The following SAP130 variants were observed in gnomAD, a reference collection of about 807,000 sequenced individuals.
SAP130 encodes the protein Sin3A associated protein 130, also known as histone deacetylase complex subunit SAP130.
A neutral mutation model predicts 103.2 loss-of-function variants in SAP130; 16 were observed. The observed-to-expected ratio is 0.16, with a 90% CI of 0.10 to 0.24. The LOEUF (loss-of-function observed/expected upper bound fraction) is 0.24. Ranked by LOEUF, SAP130 falls within the 10% of genes least tolerant of loss-of-function variation. The pLI, the probability that SAP130 is intolerant of heterozygous loss-of-function variation, is 1.00. For synonymous variants in SAP130, 477 were observed against 497.0 expected (o/e 0.96, Z 0.53); for missense variants, 990 against 1,359.7 (o/e 0.73, Z 4.28).
chr2:127,942,051 C>A lies in SAP130; in HGVS notation c.3129G>T (p.Gly1043=). ...TCAATTTGGACACTTTTTTGACAGTCCCGTTCTTGTTAAGCAGCTTCAGGA... is the reference window on the plus strand; with the variant it reads ...TCAATTTGGACACTTTTTTGACAGTACCGTTCTTGTTAAGCAGCTTCAGGA... ...DRVLKLLNKN[G]TVKKVSKLKR... Residue 1043 remains glycine, a synonymous_variant, in exon 21 of 21, where the codon GGG becomes GGT. Transcript: ENST00000643581. The surrounding 1 kb of genome is among the most constrained non-coding windows in gnomAD (Gnocchi z 4.8). 6.2e-7 allele frequency: 1 copy of A among 1,609,082 alleles called. No individual in the cohort carries two copies.
At chr2:128,018,991 G>A (rs530820583) in intron 2 of SAP130, among the ~76,000 whole-genome samples, 1 of 151,842 alleles carries the variant, frequency 6.6e-6, no homozygotes, top group Non-Finnish European at 1.5e-5. Flanking sequence ...TCAGCTACTA[G>A]GGAAGATGAG....
intron 11 of SAP130, among the ~76,000 whole-genome samples, chr2:127,995,270 A>G (rs577157977): frequency 2.6e-5 from 4 of 152,362 alleles, no homozygotes; most frequent in African/African-American, 9.6e-5. Flanking sequence ...TTGGAGAAAC[A>G]GCAGATTTCA....
chr2:127,985,274 G>T (rs1573743044), intron 14 of SAP130, among the ~76,000 whole-genome samples: 1 of 152,214 alleles, frequency 6.6e-6, no homozygotes, highest in Non-Finnish European at 1.5e-5. Flanking sequence ...GTCATGGACT[G>T]ACTTATCCTT....
intron 2 of SAP130, among the ~76,000 whole-genome samples, chr2:128,018,992 G>A (rs550643408): frequency 4.7e-4 from 71 of 151,656 alleles, no homozygotes; most frequent in African/African-American, 1.6e-3. Flanking sequence ...CAGCTACTAG[G>A]GAAGATGAGG....
intron 11 of SAP130, among the ~76,000 whole-genome samples, 172 bp from the exon 12 acceptor site, chr2:127,993,480 T>TA (rs369115205): frequency 1.4e-3 from 202 of 140,152 alleles, no homozygotes; most frequent in Non-Finnish European, 1.4e-3. Flanking sequence ...AATGCAAAAT[T>TA]AAAAAAAAAA....
At chr2:127,958,118 T>TA (rs1465146076) in intron 15 of SAP130, among the ~76,000 whole-genome samples, 1 of 152,108 alleles carries the variant, frequency 6.6e-6, no homozygotes, top group African/African-American at 2.4e-5. Context: ...TCCCAGAACT[T>TA]AAAGTATAAA....
In SAP130 at chr2:127,951,787, G is replaced by GT. The variant is rs573855508; in HGVS notation, c.2423-1380dup. ...TGGCCTCACTTGGACAACCCTATCT[G>GT]TTAAGTCCAGTCTCTCTTGGGATGA... On this transcript the variant is annotated intron_variant, in intron 16 of 20. Coordinates refer to ENST00000643581, the MANE Select transcript of SAP130 (RefSeq NM_001330301.2). 1.4e-4 allele frequency among the ~76,000 whole-genome samples: 22 copies of GT among 152,264 alleles called. No individual in the cohort carries two copies. In the South Asian group the frequency reaches 4.1e-3, roughly 29 times the overall value.
intron 14 of SAP130, among the ~76,000 whole-genome samples, chr2:127,982,865 C>T (rs1233872722): frequency 6.6e-6 from 1 of 152,126 alleles, no homozygotes; most frequent in Non-Finnish European, 1.5e-5. Context: ...GATCAATGGA[C>T]TGGAGGCTGC....
At position 127,946,409 on chromosome 2, in the gene SAP130, C is replaced by A. The variant is rs1006096836; in HGVS notation, c.2798-850G>T. On this transcript the variant is annotated intron_variant, in intron 18 of 20. Transcript: ENST00000643581. ...ACAACTTTATCAAATCAAGGAAGAA[C>A]CCTTCTTTTTCTGTTTTTGAACACT... Among the ~76,000 whole-genome samples, 6 of 152,038 alleles carry A rather than the reference C, an allele frequency of 3.9e-5. No homozygotes were observed. In the East Asian group the frequency reaches 1.2e-3, roughly 29 times the overall value.
At chr2:128,021,446 C>CAAA (rs774054953) in intron 2 of SAP130, among the ~76,000 whole-genome samples, 12 of 71,624 alleles carry the variant, frequency 1.7e-4, no homozygotes, top group South Asian at 4.4e-4. Flanking sequence ...GACTCCATCT[C>CAAA]AAAAAAAAAA....
chr2:127,993,791 C>T (rs1247699025), intron 11 of SAP130, among the ~76,000 whole-genome samples: 1 of 152,160 alleles, frequency 6.6e-6, no homozygotes, highest in African/African-American at 2.4e-5. Flanking sequence ...GTTGCCCAGG[C>T]TGGAGCGTAG....
intron 10 of SAP130, among the ~76,000 whole-genome samples, chr2:127,998,431 C>A (rs1165249866): frequency 6.6e-6 from 1 of 152,154 alleles, no homozygotes; most frequent in Non-Finnish European, 1.5e-5. Context: ...CTGGAGAGGG[C>A]AAGCTCACTT....
chr2:127,945,858 GC>G (rs1014473734), intron 18 of SAP130, among the ~76,000 whole-genome samples: 5 of 152,102 alleles, frequency 3.3e-5, no homozygotes, highest in African/African-American at 1.2e-4. Flanking sequence ...TTGCTATGTT[GC>G]CCAGGTTGGT....
intron 15 of SAP130, among the ~76,000 whole-genome samples, chr2:127,974,351 C>T (rs1681304146): frequency 6.6e-6 from 1 of 152,218 alleles, no homozygotes; most frequent in Non-Finnish European, 1.5e-5. Flanking sequence ...ACAACTCTCA[C>T]CTCTGGTTCC....
At chr2:127,959,709 A>G (rs1680101434) in intron 15 of SAP130, among the ~76,000 whole-genome samples, 1 of 152,260 alleles carries the variant, frequency 6.6e-6, no homozygotes, top group South Asian at 2.1e-4. Context: ...AAGACAAGAG[A>G]TAAATGATGA....
At chr2:128,016,264 C>A (rs764611237) in intron 4 of SAP130, 125 bp downstream of exon 4, 1 of 935,932 alleles carries the variant, frequency 1.1e-6, no homozygotes, top group Admixed American at 2.4e-5. Flanking sequence ...TCTTCACTTG[C>A]AGGTATCAGT....
chr2:127,972,337 G>A (rs1681146803), intron 15 of SAP130, among the ~76,000 whole-genome samples: 1 of 152,236 alleles, frequency 6.6e-6, no homozygotes, highest in Admixed American at 6.5e-5. Context: ...CAGACCAGGT[G>A]CAGTGGCTCA....
intron 7 of SAP130, among the ~76,000 whole-genome samples, chr2:128,006,087 TAA>T (rs532598250): frequency 6.7e-5 from 9 of 133,554 alleles, no homozygotes; most frequent in Admixed American, 7.5e-5. Context: ...TGTAAGCGGT[TAA>T]AAAAAAAAAA....
intron 15 of SAP130, among the ~76,000 whole-genome samples, chr2:127,971,443 G>C (rs779405355): frequency 6.6e-6 from 1 of 151,884 alleles, no homozygotes; most frequent in Admixed American, 6.6e-5. Flanking sequence ...CCGCCACCAC[G>C]CCTGGCTAAT....
Sources: gnomAD v4.1 joint callset for allele counts (sites outside exome capture counted in the v4.1 genomes callset) on GRCh38, gnomAD v4.1.1 for gene constraint, Gnocchi (gnomAD v3.1) non-coding constraint, MANE v1.5 for transcripts, NCBI Gene and HGNC (gene_info 2026-07-23, HGNC 2026-07-21) for gene names.